Variants in FGFR1 observed in about 807,000 individuals in gnomAD.
The protein encoded by FGFR1 is fibroblast growth factor receptor 1.
Under a neutral mutation model 93.7 loss-of-function variants are expected in FGFR1, and 18 were observed. The ratio of observed to expected loss-of-function variants is 0.19; its 90% confidence interval spans 0.13 to 0.28. The LOEUF is 0.28. Ranked by LOEUF, FGFR1 falls within the 10% of genes least tolerant of loss-of-function variation. FGFR1 has a pLI of 1.00. For synonymous variants in FGFR1, 448 were observed against 429.3 expected, an observed-to-expected ratio of 1.04 and a Z score of -0.54; for missense variants, 731 against 1,080.4, an observed-to-expected ratio of 0.68 and a Z score of 4.53.
intron 8 of FGFR1, among the ~76,000 whole-genome samples, chr8:38,421,077 G>A (rs1219201075): frequency 6.6e-6 from 1 of 152,196 alleles, no homozygotes; most frequent in Admixed American, 6.5e-5. Context: ...GGAACAGCCA[G>A]ACCCACATGC....
intron 2 of FGFR1, 68 bp from the exon 3 acceptor site, chr8:38,430,016 G>C: frequency 6.7e-7 from 1 of 1,482,148 alleles, no homozygotes; most frequent in Non-Finnish European, 9.1e-7. Context: ...GAGGGGAGGA[G>C]GGGAGAGACA....
chr8:38,423,663 A>T lies in FGFR1; in HGVS notation c.936+846T>A, dbSNP rs768276563. 4.4e-3 allele frequency: 489 copies of T among 111,004 alleles called. 1 individual carries two copies. Among genetic ancestry groups the T allele is most frequent in the Admixed American group, 8.9e-3 (98 of 10,994 alleles). The allele number at this position is 111,004 out of a possible 1,614,324, so 6.9% of individuals were successfully genotyped here. On this transcript the variant is annotated intron_variant, in intron 7 of 17. Coordinates refer to ENST00000447712, the MANE Select transcript of FGFR1 (RefSeq NM_023110.3). ...CTTCAAAAGTCCAAAGCATTTGATT[A>T]AAAAAAAAAAAAAAAAAAAAGAATC...
chr8:38,428,757 T>C (rs1018625243), intron 3 of FGFR1: 3 of 412,170 alleles, frequency 7.3e-6, no homozygotes, highest in East Asian at 1.0e-4. Context: ...CTGGGTGTGC[T>C]GGAGCCAGGC....
At chr8:38,451,026 G>C (rs926079396) in intron 2 of FGFR1, among the ~76,000 whole-genome samples, 1 of 152,178 alleles carries the variant, frequency 6.6e-6, no homozygotes, top group African/African-American at 2.4e-5. Flanking sequence ...AAGTGGGACA[G>C]AGCTGATCCT....
chr8:38,433,166 C>T (rs952159772), intron 2 of FGFR1, among the ~76,000 whole-genome samples: 2 of 152,090 alleles, frequency 1.3e-5, no homozygotes, highest in East Asian at 1.9e-4. Context: ...AGTGAGACCT[C>T]GTCTCTACAA....
chr8:38,417,229 G>C (rs1176245224), intron 12 of FGFR1, 77 bp downstream of exon 12: 1 of 1,129,684 alleles, frequency 8.9e-7, no homozygotes, highest in Non-Finnish European at 1.3e-6. Context: ...CTGTGGCTGA[G>C]AGAGGCCTTG....
At chr8:38,435,293 C>T (rs1004943285) in intron 2 of FGFR1, 1 of 152,198 alleles carries the variant, frequency 6.6e-6, no homozygotes, top group Admixed American at 6.5e-5. Context: ...CCAGAGACTA[C>T]TCAGTAAGTC....
chr8:38,418,011 G>A lies in FGFR1; in HGVS notation c.1431-20C>T. The stretch of plus-strand genomic sequence containing the variant: ...ACCAGTCTTTCGGGGGAAACAGAGA[G>A]TGGCATAAGTTGGGGCTGGTGAAGT... On this transcript the variant is annotated intron_variant, in intron 10 of 17. Transcript: ENST00000447712. 6.2e-7 allele frequency: 1 copy of A among 1,614,170 alleles called. No homozygotes were observed.
At position 38,418,304 on chromosome 8, in the gene FGFR1, T is replaced by A. The variant is rs948384958; in HGVS notation, c.1354A>T (p.Ser452Cys). 2 of 1,614,054 alleles carry A rather than the reference T, an allele frequency of 1.2e-6. No individual in the cohort carries two copies. Among genetic ancestry groups the A allele is most frequent in the Non-Finnish European group, 1.7e-6 (2 of 1,180,020 alleles). ...ACCCCTGCTAGCATGGGAGTCCCAC[T>A]GGAGGAGAGCCGTGATGGCCGAACC... ...LLVRPSRLSSSGTPMLAGVSE... is the reference protein window; with the variant it reads ...LLVRPSRLSSCGTPMLAGVSE... Residue 452 changes from serine (S) to cysteine (C), a missense_variant, in exon 10 of 18, where the codon AGT becomes TGT. By Grantham distance (112) the Ser-to-Cys change is moderately radical (BLOSUM62 -1). Around this residue, in one of 10 missense-constraint regions of FGFR1, gnomAD observed 146 missense variants for 173.0 expected, o/e 0.84. Transcript: ENST00000447712.
At chr8:38,465,786 G>A (rs2151479410) in intron 1 of FGFR1, 1 of 217,828 alleles carries the variant, frequency 4.6e-6, no homozygotes, top group Admixed American at 5.8e-5. Flanking sequence ...GCCAAGGGAG[G>A]AAAATGGCCA....
intron 8 of FGFR1, 138 bp from the exon 9 acceptor site, chr8:38,419,873 G>T (rs1351568725): frequency 8.6e-6 from 6 of 698,140 alleles, no homozygotes; most frequent in African/African-American, 1.8e-5. Flanking sequence ...TTCTAGCTAG[G>T]ACTGGGATTG....
At chr8:38,431,505 A>C (rs958221205) in intron 2 of FGFR1, among the ~76,000 whole-genome samples, 1 of 151,370 alleles carries the variant, frequency 6.6e-6, no homozygotes, top group African/African-American at 2.4e-5. Context: ...CTTCCTTTCT[A>C]CTCTCCCTTT....
rs908596802 is a variant in FGFR1 at position 38,412,806 on chromosome 8, A to T, written c.*822T>A. 5 of 233,534 alleles carry T rather than the reference A, an allele frequency of 2.1e-5. No homozygotes were observed. Among genetic ancestry groups the T allele is most frequent in the African/African-American group, 1.1e-4 (5 of 45,366 alleles). 14.5% of individuals were successfully genotyped at this position (233,534 alleles called of 1,614,324 possible). A position where few individuals can be genotyped will look rare whatever the true frequency, so the allele number is the denominator to read the frequency against. The stretch of plus-strand genomic sequence containing the variant: ...ACATAATTTAAAAAAATAAAACAGC[A>T]AAAGTAGCAAAAAATATATGACCTT... On this transcript the variant is annotated 3_prime_UTR_variant, in exon 18 of 18. Transcript: ENST00000447712.
rs768918396 is a variant in FGFR1 at position 38,419,732 on chromosome 8, A to G, written c.1085T>C (p.Leu362Pro). The G allele has an allele frequency of 4.3e-6, 7 of 1,613,944 alleles. No individual in the cohort carries two copies. The highest frequency in any genetic ancestry group is 2.2e-5 in the East Asian group (1 of 44,880). Residue 362 changes from leucine to proline, a missense_variant, in exon 9 of 18, where the codon CTG becomes CCG. Physicochemically the swap from Leu to Pro is moderately conservative, Grantham distance 98. Coordinates refer to ENST00000447712, the MANE Select transcript of FGFR1 (RefSeq NM_023110.3). ...GGTCATCACTGCCGGCCTCTCTTCC[A>G]GGGCTGAGTCAGTGCGAACAGGGTG... Reference protein sequence around the residue: ...HSAWLTVLEALEERPAVMTSP... With the variant: ...HSAWLTVLEAPEERPAVMTSP...
At chr8:38,437,890 G>A (rs1476432752) in intron 2 of FGFR1, among the ~76,000 whole-genome samples, 4 of 152,102 alleles carry the variant, frequency 2.6e-5, no homozygotes, top group Admixed American at 6.6e-5. Flanking sequence ...CAGCCACTCT[G>A]GTCTGGAAGT....
At position 38,468,594 on chromosome 8, in the gene FGFR1, G is replaced by A. The variant is rs1050209090; in HGVS notation, c.-702C>T. On this transcript the variant is annotated 5_prime_UTR_variant, in exon 1 of 18. Coordinates refer to ENST00000447712, the MANE Select transcript of FGFR1 (RefSeq NM_023110.3). ...CCGCTAGCTGCCGCCCGCCGCCGAGGACGCCGCGCCTGTGGCCGCAAGAGC... is the reference window on the plus strand; with the variant it reads ...CCGCTAGCTGCCGCCCGCCGCCGAGAACGCCGCGCCTGTGGCCGCAAGAGC... 5 of 229,600 alleles carry A rather than the reference G, an allele frequency of 2.2e-5. No individual in the cohort carries two copies. Among genetic ancestry groups the A allele is most frequent in the Admixed American group, 5.7e-5 (1 of 17,624 alleles). The allele number at this position is 229,600 out of a possible 1,614,324, so 14.2% of individuals were successfully genotyped here.
At position 38,468,528 on chromosome 8, in the gene FGFR1, G is replaced by A. The variant is rs3213849; in HGVS notation, c.-636C>T. On this transcript the variant is annotated 5_prime_UTR_variant, in exon 1 of 18. Transcript: ENST00000447712. ...TGGCCGCCCAGCTCCCGGCACACCC[G>A]GGTTCCTCCGCGCGCTGCGGCTGCA... The A allele has an allele frequency of 0.35, 80,250 of 228,486 alleles. 14,762 individuals carry two copies. The highest frequency in any genetic ancestry group is 0.52 in the South Asian group (2,850 of 5,496). The allele number at this position is 228,486 out of a possible 1,614,324, so 14.2% of individuals were successfully genotyped here.
intron 2 of FGFR1, among the ~76,000 whole-genome samples, chr8:38,439,275 G>T (rs1157206386): frequency 6.6e-6 from 1 of 152,182 alleles, no homozygotes; most frequent in Non-Finnish European, 1.5e-5. Context: ...CAGCACATGG[G>T]GTGATGAGGG....
intron 3 of FGFR1, 172 bp from the exon 4 acceptor site, chr8:38,428,607 G>A: frequency 1.6e-6 from 1 of 638,666 alleles, no homozygotes. Context: ...CAGTTCCTGT[G>A]CGTGTTTGCT....
Sources: gnomAD v4.1 joint callset for allele counts (sites outside exome capture counted in the v4.1 genomes callset) on GRCh38, gnomAD v4.1.1 for gene constraint, gnomAD v4.1.1 regional missense constraint, MANE v1.5 for transcripts, NCBI Gene and HGNC (gene_info 2026-07-23, HGNC 2026-07-21) for gene names.